Variants in ARHGAP32 observed in about 807,000 individuals in gnomAD.
ARHGAP32 encodes the protein rho GTPase-activating protein 32.
Under a neutral mutation model 186.5 loss-of-function variants are expected in ARHGAP32, and 51 were observed. That is an observed-to-expected ratio of 0.27 (90% CI 0.22 to 0.35). The LOEUF (loss-of-function observed/expected upper bound fraction) is 0.35, where lower values mean the gene tolerates loss of function less well. ARHGAP32 is among the 10% of genes least tolerant of loss of function. ARHGAP32 has a pLI of 1.00. For synonymous variants in ARHGAP32, 950 were observed against 964.3 expected, an observed-to-expected ratio of 0.99 and a Z score of 0.27; for missense variants, 2,186 against 2,623.5, an observed-to-expected ratio of 0.83 and a Z score of 3.64.
chr11:129,045,272 C>T (rs1259877187), intron 10 of ARHGAP32, among the ~76,000 whole-genome samples: 2 of 152,184 alleles, frequency 1.3e-5, no homozygotes, highest in Non-Finnish European at 2.9e-5. Context: ...CTAGATCTGT[C>T]GTGGTCATCA....
chr11:129,217,887 G>T (rs1944665322), intron 1 of ARHGAP32, among the ~76,000 whole-genome samples: 1 of 152,112 alleles, frequency 6.6e-6, no homozygotes, highest in South Asian at 2.1e-4. Context: ...TGATTACTGT[G>T]GGACCCTGGG....
chr11:129,002,750 A>G (rs1211439619), intron 11 of ARHGAP32, among the ~76,000 whole-genome samples: 1 of 151,452 alleles, frequency 6.6e-6, no homozygotes, highest in Non-Finnish European at 1.5e-5. Context: ...TATTATGCTG[A>G]CACATGTTCC....
intron 10 of ARHGAP32, among the ~76,000 whole-genome samples, chr11:129,050,346 T>C (rs1939991117): frequency 6.6e-6 from 1 of 152,242 alleles, no homozygotes; most frequent in Non-Finnish European, 1.5e-5. Context: ...ATTTTTTAAA[T>C]TGAATTGCTT....
intron 1 of ARHGAP32, among the ~76,000 whole-genome samples, chr11:129,199,182 A>G (rs1944429101): frequency 6.6e-6 from 1 of 152,242 alleles, no homozygotes; most frequent in Non-Finnish European, 1.5e-5. Flanking sequence ...ACAGAGAATA[A>G]AAGTTCAGAA....
intron 2 of ARHGAP32, among the ~76,000 whole-genome samples, chr11:129,151,956 AC>A (rs143095894): frequency 0.019 from 2,914 of 152,310 alleles, 50 homozygotes; most frequent in African/African-American, 0.041. Context: ...GAAAGAACAA[AC>A]AAAATTGATA....
rs1945218665 is a variant in ARHGAP32 at position 128,966,219 on chromosome 11, G to T, written c.*2688C>A. 1 of 152,210 alleles carries T rather than the reference G, an allele frequency of 6.6e-6. No individual in the cohort carries two copies. The highest frequency in any genetic ancestry group is 1.5e-5 in the Non-Finnish European group (1 of 68,042). The allele number at this position is 152,210 out of a possible 1,614,324, so 9.4% of individuals were successfully genotyped here. Reference sequence around the variant, plus strand: ...AAATGTCAATAGGATTAAATCACGGGTTTAATGTATAAGGCAGCTCCATTT... The same window carrying T: ...AAATGTCAATAGGATTAAATCACGGTTTTAATGTATAAGGCAGCTCCATTT... On this transcript the variant is annotated 3_prime_UTR_variant, in exon 23 of 23. Transcript: ENST00000682385.
At chr11:129,199,768 G>A (rs1426726966) in intron 1 of ARHGAP32, among the ~76,000 whole-genome samples, 1 of 152,214 alleles carries the variant, frequency 6.6e-6, no homozygotes, top group East Asian at 1.9e-4. Context: ...GCTGTGAGAA[G>A]AGGACCACCG....
chr11:129,127,641 A>C (rs1942693678), intron 2 of ARHGAP32, among the ~76,000 whole-genome samples: 1 of 144,820 alleles, frequency 6.9e-6, no homozygotes, highest in African/African-American at 2.6e-5. Context: ...TTTTAAAAAT[A>C]AAACAAATTA....
At chr11:129,064,222 C>T (rs1236037233) in intron 8 of ARHGAP32, among the ~76,000 whole-genome samples, 198 bp from the exon 9 acceptor site, 1 of 139,662 alleles carries the variant, frequency 7.2e-6, no homozygotes, top group Non-Finnish European at 1.6e-5. Context: ...TTAATTTAAT[C>T]CTCATAACTC....
chr11:129,231,061 A>G (rs1339974533), intron 1 of ARHGAP32, among the ~76,000 whole-genome samples: 1 of 152,126 alleles, frequency 6.6e-6, no homozygotes, highest in African/African-American at 2.4e-5. Context: ...TTGAACCTGG[A>G]TAGCAGAGGC....
chr11:129,258,701 G>A (rs1945285146), intron 1 of ARHGAP32, among the ~76,000 whole-genome samples: 1 of 152,186 alleles, frequency 6.6e-6, no homozygotes, highest in African/African-American at 2.4e-5. Flanking sequence ...CTTAAGAGTA[G>A]CTGATAAATC....
chr11:129,178,213 T>A (rs560050832), intron 1 of ARHGAP32, among the ~76,000 whole-genome samples: 327 of 151,890 alleles, frequency 2.2e-3, no homozygotes, highest in Admixed American at 3.5e-3. Context: ...GAGAATAAAA[T>A]ACCTAGGAAT....
intron 1 of ARHGAP32, among the ~76,000 whole-genome samples, chr11:129,223,200 C>T (rs544849097): frequency 6.6e-6 from 1 of 152,094 alleles, no homozygotes; most frequent in Non-Finnish European, 1.5e-5. Flanking sequence ...AGCAACATCC[C>T]AAGGGCTCAA....
chr11:128,969,362 G>A lies in ARHGAP32; in HGVS notation c.5851C>T (p.Leu1951=). The A allele has an allele frequency of 1.2e-6, 2 of 1,614,226 alleles. No individual in the cohort carries two copies. Among genetic ancestry groups the A allele is most frequent in the Non-Finnish European group, 1.7e-6 (2 of 1,180,042 alleles). The change falls in exon 23 of 23, where the codon CTG becomes TTG. Residue 1951 remains leucine, a synonymous_variant. Transcript: ENST00000682385. The surrounding 1 kb of genome is among the most constrained non-coding windows in gnomAD (Gnocchi z 4.8). Reference sequence around the variant, plus strand: ...GAGAGCCTTACCTCTTTGTGGTTCAGTCTTAAAGATTCTTGCCCGGATGCA... The same window carrying A: ...GAGAGCCTTACCTCTTTGTGGTTCAATCTTAAAGATTCTTGCCCGGATGCA... The part of the protein sequence containing the change: ...YAASGQESLR[L]NHKEVRLSKE...
At chr11:129,193,824 TA>T (rs1944354029), upstream of ARHGAP32, among the ~76,000 whole-genome samples, 2 of 139,514 alleles carry the variant, frequency 1.4e-5, no homozygotes, top group Non-Finnish European at 3.0e-5. Context: ...AACAACATTA[TA>T]AGCAAAGTCA....
At chr11:129,172,324 T>C (rs966626204) in intron 1 of ARHGAP32, among the ~76,000 whole-genome samples, 1 of 152,206 alleles carries the variant, frequency 6.6e-6, no homozygotes, top group African/African-American at 2.4e-5. Context: ...ATAGCTCTTA[T>C]TGTTTTGAAA....
At chr11:129,229,043 A>C (rs1944823261) in intron 1 of ARHGAP32, among the ~76,000 whole-genome samples, 1 of 152,186 alleles carries the variant, frequency 6.6e-6, no homozygotes, top group Admixed American at 6.5e-5. Flanking sequence ...AAAAAGTTAA[A>C]ATTTAAGCCT....
At chr11:129,074,978 A>G (rs1428047916) in intron 6 of ARHGAP32, among the ~76,000 whole-genome samples, 9 of 152,210 alleles carry the variant, frequency 5.9e-5, no homozygotes, top group African/African-American at 1.2e-4. Flanking sequence ...CAACGCATAC[A>G]CATATCAAAA....
intron 5 of ARHGAP32, among the ~76,000 whole-genome samples, chr11:129,109,981 T>C (rs1427666800): frequency 6.6e-6 from 1 of 152,168 alleles, no homozygotes; most frequent in Non-Finnish European, 1.5e-5. Flanking sequence ...TTTGTTTCTG[T>C]TGCCTGTGCT....
Sources: gnomAD v4.1 joint callset for allele counts (sites outside exome capture counted in the v4.1 genomes callset) on GRCh38, gnomAD v4.1.1 for gene constraint, Gnocchi (gnomAD v3.1) non-coding constraint, MANE v1.5 for transcripts, NCBI Gene and HGNC (gene_info 2026-07-23, HGNC 2026-07-21) for gene names.